SYT16: variants seen among roughly 807,000 people sequenced by gnomAD.
SYT16 encodes synaptotagmin 16, also known as synaptotagmin-16.
A neutral mutation model predicts 61.4 loss-of-function variants in SYT16; 42 were observed. The ratio of observed to expected loss-of-function variants is 0.68; its 90% CI spans 0.53 to 0.89. The LOEUF (loss-of-function observed/expected upper bound fraction) is 0.89. Among genes scored for constraint, SYT16 ranks in the 40% least tolerant of loss-of-function variants. The probability of loss-of-function intolerance (pLI) is 0.00; values close to 1 mark genes in which losing one functional copy is unlikely to be tolerated. For missense variants in SYT16, 804 were observed against 807.3 expected (o/e 1.00, Z 0.05); for synonymous variants, 314 against 302.3 (o/e 1.04, Z -0.40).
At chr14:62,083,774 C>T (rs1241425604) in intron 6 of SYT16, among the ~76,000 whole-genome samples, 1 of 152,160 alleles carries the variant, frequency 6.6e-6, no homozygotes, top group Non-Finnish European at 1.5e-5. Flanking sequence ...TTGCCATATT[C>T]ATCAAGGAGC....
chr14:62,056,704 A>G (rs2055572325), intron 3 of SYT16, among the ~76,000 whole-genome samples: 4 of 152,102 alleles, frequency 2.6e-5, no homozygotes, highest in Non-Finnish European at 5.9e-5. Context: ...ACTGGGAAAA[A>G]CACATCAAGT....
chr14:61,826,363 C>G (rs2045772493), intron 1 of SYT16, among the ~76,000 whole-genome samples: 1 of 152,172 alleles, frequency 6.6e-6, no homozygotes, highest in East Asian at 1.9e-4. Context: ...GCTCTGGTGT[C>G]AGGAATAGAG....
chr14:62,004,402 C>T (rs1194778185), intron 3 of SYT16, among the ~76,000 whole-genome samples: 1 of 152,124 alleles, frequency 6.6e-6, no homozygotes, highest in African/African-American at 2.4e-5. Context: ...CCTCCCTCCA[C>T]ACATGGGGAT....
chr14:62,072,538 T>A (rs1394178621), intron 4 of SYT16, among the ~76,000 whole-genome samples: 1 of 152,188 alleles, frequency 6.6e-6, no homozygotes, highest in African/African-American at 2.4e-5. Flanking sequence ...AAGCTGTAGT[T>A]CTTAGGTTGA....
At chr14:62,084,490 A>T in intron 7 of SYT16, 105 bp downstream of exon 7, 1 of 1,284,400 alleles carries the variant, frequency 7.8e-7, no homozygotes, top group Non-Finnish European at 1.1e-6. Context: ...AAATGATCTT[A>T]TTATGGCTTA....
At chr14:62,004,800 T>G (rs2053158650) in intron 3 of SYT16, among the ~76,000 whole-genome samples, 1 of 152,284 alleles carries the variant, frequency 6.6e-6, no homozygotes, top group South Asian at 2.1e-4. Context: ...TGCTCTTCAT[T>G]AATGCTGAGT....
intron 1 of SYT16, chr14:61,832,427 TAG>T (rs1410712485): frequency 6.6e-6 from 3 of 452,936 alleles, no homozygotes; most frequent in Non-Finnish European, 1.3e-5. Context: ...GCGACCCCAG[TAG>T]TTCTTTTTTG....
In SYT16 at chr14:61,915,660, G is replaced by C. The variant is rs189352050; in HGVS notation, c.-324-54472G>C. 9.2e-4 allele frequency among the ~76,000 whole-genome samples: 140 copies of C among 152,228 alleles called. 2 individuals carry two copies. The highest frequency in any genetic ancestry group is 3.4e-3 in the Middle Eastern group (1 of 294). ...CATGATGAGCAATTGTTTTTGAACA[G>C]ATTTCTACTCTAAAGGAAATAGATA... On this transcript the variant is annotated intron_variant, in intron 1 of 7. Transcript: ENST00000683842.
chr14:61,945,817 C>T, intron 1 of SYT16, among the ~76,000 whole-genome samples: 1 of 126,096 alleles, frequency 7.9e-6, no homozygotes, highest in East Asian at 2.7e-4. Flanking sequence ...GATCACGCCA[C>T]TGCACTCCAG....
chr14:62,046,264 C>G (rs1483822718), intron 3 of SYT16, among the ~76,000 whole-genome samples: 1 of 152,060 alleles, frequency 6.6e-6, no homozygotes, highest in Non-Finnish European at 1.5e-5. Context: ...TGAGAAGTGT[C>G]TGTTCATATC....
chr14:62,069,699 G>A lies in SYT16; in HGVS notation c.620G>A (p.Ser207Asn), dbSNP rs1566817549. The A allele has an allele frequency of 1.2e-6, 2 of 1,613,956 alleles. No individual in the cohort carries two copies. Among genetic ancestry groups the A allele is most frequent in the Non-Finnish European group, 1.7e-6 (2 of 1,179,886 alleles). ...GAGATTTCCGTGTCCCGGTCCCAGA[G>A]TTTCCGTTCAGTGACATCTGAGAAA... ...QFEISVSRSQ[S>N]FRSVTSEKGK... Residue 207 changes from serine (S) to asparagine (N), a missense_variant, in exon 4 of 8, where the codon AGT becomes AAT. Ser to Asn is a conservative substitution (Grantham distance 46, BLOSUM62 1). Transcript: ENST00000683842.
chr14:61,979,609 C>T (rs1340505042), intron 2 of SYT16, among the ~76,000 whole-genome samples: 1 of 152,154 alleles, frequency 6.6e-6, no homozygotes, highest in Non-Finnish European at 1.5e-5. Flanking sequence ...TCTGGCCAGG[C>T]GTGGTGGCTC....
chr14:61,931,041 T>C (rs2049744926), intron 1 of SYT16, among the ~76,000 whole-genome samples: 1 of 152,204 alleles, frequency 6.6e-6, no homozygotes, highest in African/African-American at 2.4e-5. Flanking sequence ...TGTGATAATT[T>C]GCTACAGCAG....
At chr14:61,918,456 G>A (rs985884399) in intron 1 of SYT16, among the ~76,000 whole-genome samples, 1 of 151,988 alleles carries the variant, frequency 6.6e-6, no homozygotes, top group Non-Finnish European at 1.5e-5. Context: ...GGGGATAAAG[G>A]AACAATAAAG....
intron 3 of SYT16, among the ~76,000 whole-genome samples, chr14:62,001,969 A>G (rs750401109): frequency 1.3e-5 from 2 of 152,060 alleles, no homozygotes; most frequent in African/African-American, 2.4e-5. Context: ...CACTTCATGT[A>G]CATTCCCCCC....
At chr14:61,887,570 A>G (rs2047958395) in intron 1 of SYT16, among the ~76,000 whole-genome samples, 1 of 152,188 alleles carries the variant, frequency 6.6e-6, no homozygotes, top group Admixed American at 6.5e-5. Context: ...CAGCTTCATT[A>G]ATGATCTTAG....
At chr14:61,863,549 C>A (rs2047032602) in intron 1 of SYT16, among the ~76,000 whole-genome samples, 1 of 152,112 alleles carries the variant, frequency 6.6e-6, no homozygotes, top group Non-Finnish European at 1.5e-5. Flanking sequence ...ATATCTTATT[C>A]CAGTCTGTGG....
chr14:62,073,293 A>G (rs982851695), intron 4 of SYT16, among the ~76,000 whole-genome samples: 4 of 152,210 alleles, frequency 2.6e-5, no homozygotes, highest in African/African-American at 7.2e-5. Flanking sequence ...ATTTCTTGGC[A>G]AAGTAAAATT....
At chr14:62,044,170 A>G (rs766982054) in intron 3 of SYT16, among the ~76,000 whole-genome samples, 58 of 151,912 alleles carry the variant, frequency 3.8e-4, no homozygotes, top group Non-Finnish European at 7.2e-4. Context: ...ACTGCACTCC[A>G]GCCTGGGTGA....
Sources: allele counts gnomAD v4.1 joint callset (sites outside exome capture counted in the v4.1 genomes callset), GRCh38; gene constraint gnomAD v4.1.1; transcripts MANE v1.5; gene names NCBI Gene and HGNC (gene_info 2026-07-23, HGNC 2026-07-21).